Variants in COX5A observed in about 807,000 individuals in gnomAD.
COX5A encodes cytochrome c oxidase subunit 5A.
Under a neutral mutation model 16.1 loss-of-function variants are expected in COX5A, and 6 were observed. The ratio of observed to expected loss-of-function variants is 0.37; its 90% CI spans 0.20 to 0.73. The LOEUF (loss-of-function observed/expected upper bound fraction) is 0.73. COX5A is among the 30% of genes least tolerant of loss of function. The probability of loss-of-function intolerance (pLI) is 0.50; values close to 1 mark genes in which losing one functional copy is unlikely to be tolerated. For synonymous variants in COX5A, 73 were observed against 73.8 expected, an observed-to-expected ratio of 0.99 and a Z score of 0.06; for missense variants, 159 against 194.9, an observed-to-expected ratio of 0.82 and a Z score of 1.10.
chr15:74,930,416 CAAA>C (rs71140116), intron 1 of COX5A, among the ~76,000 whole-genome samples: 10 of 110,044 alleles, frequency 9.1e-5, no homozygotes, highest in Admixed American at 1.8e-4. Flanking sequence ...GACTCCGCCT[CAAA>C]AAAAAAAAAA....
intron 2 of COX5A, among the ~76,000 whole-genome samples, chr15:74,928,714 G>A (rs891384398): frequency 2.0e-5 from 3 of 152,266 alleles, no homozygotes; most frequent in African/African-American, 7.2e-5. Context: ...GTACAAAACT[G>A]TTACCTTTTG....
At position 74,919,791 on chromosome 15, in the gene COX5A, T is replaced by C. The variant is rs528159332; in HGVS notation, c.*661A>G. 2 of 152,416 alleles carry C rather than the reference T, an allele frequency of 1.3e-5. No individual in the cohort carries two copies. Among genetic ancestry groups the C allele is most frequent in the South Asian group, 4.1e-4 (2 of 4,840 alleles). 9.4% of individuals were successfully genotyped at this position (152,416 alleles called of 1,614,324 possible). On this transcript the variant is annotated 3_prime_UTR_variant, in exon 5 of 5. Transcript: ENST00000322347. ...TATGGCGCTTCTAAGACAAGCAGGA[T>C]TTGTTTTACTCAGCTGTTTAATCAG... is the stretch of plus-strand genomic sequence containing the variant.
In COX5A at chr15:74,920,053, C is replaced by T. The variant is rs1566976204; in HGVS notation, c.*399G>A. On this transcript the variant is annotated 3_prime_UTR_variant, in exon 5 of 5. Coordinates refer to ENST00000322347, the MANE Select transcript of COX5A (RefSeq NM_004255.4). ...CCCCACAGACAACCAGTCCCCTAAG[C>T]CTAGGGTGTCAACAAGAAAATTCTA... 1 of 330,674 alleles carries T rather than the reference C, an allele frequency of 3.0e-6. No individual in the cohort carries two copies. Among genetic ancestry groups the T allele is most frequent in the East Asian group, 7.6e-5 (1 of 13,226 alleles). The allele number at this position is 330,674 out of a possible 1,614,324, so 20.5% of individuals were successfully genotyped here.
intron 1 of COX5A, among the ~76,000 whole-genome samples, chr15:74,937,129 A>G (rs2065394529): frequency 6.6e-6 from 1 of 152,140 alleles, no homozygotes; most frequent in African/African-American, 2.4e-5. Context: ...AAAACCTCCC[A>G]GCACACATAT....
At chr15:74,928,519 T>G (rs967993155) in intron 2 of COX5A, among the ~76,000 whole-genome samples, 7 of 152,070 alleles carry the variant, frequency 4.6e-5, no homozygotes, top group South Asian at 2.1e-4. Flanking sequence ...CGAGTAGCTG[T>G]GACTACAGGC....
chr15:74,922,907 G>A (rs1013050695), intron 4 of COX5A, among the ~76,000 whole-genome samples: 13 of 151,478 alleles, frequency 8.6e-5, no homozygotes, highest in South Asian at 4.2e-4. Flanking sequence ...CACCCGCCTC[G>A]GCCTCCCAAA....
intron 1 of COX5A, among the ~76,000 whole-genome samples, chr15:74,932,780 T>A (rs552755751): frequency 1.3e-5 from 2 of 150,782 alleles, no homozygotes; most frequent in Non-Finnish European, 3.0e-5. Context: ...CACTGCAACC[T>A]CCACCTCCCG....
intron 1 of COX5A, among the ~76,000 whole-genome samples, chr15:74,931,953 G>A (rs1004192734): frequency 2.0e-5 from 3 of 152,148 alleles, no homozygotes; most frequent in Non-Finnish European, 4.4e-5. Flanking sequence ...ATAGGCGGAG[G>A]CAGAAAATTT....
In COX5A at chr15:74,920,410, T is replaced by C; in HGVS notation, c.*42A>G. 1 of 697,194 alleles carries C rather than the reference T, an allele frequency of 1.4e-6. No individual in the cohort carries two copies. Among genetic ancestry groups the C allele is most frequent in the South Asian group, 1.5e-5 (1 of 65,526 alleles). 43.2% of individuals were successfully genotyped at this position (697,194 alleles called of 1,614,324 possible). On this transcript the variant is annotated 3_prime_UTR_variant, in exon 5 of 5. Transcript: ENST00000322347. ...TTCCAGGTAACTGTTCACACTCAAG[T>C]AGCAATGTCAATAAATCCTTGGGGA... is the stretch of plus-strand genomic sequence containing the variant.
intron 1 of COX5A, among the ~76,000 whole-genome samples, chr15:74,936,566 C>T (rs986170754): frequency 5.3e-5 from 8 of 151,514 alleles, no homozygotes; most frequent in Non-Finnish European, 1.5e-5. Context: ...TACCCTCCAG[C>T]CTTATGGTTC....
chr15:74,928,644 T>C (rs528159409), intron 2 of COX5A, among the ~76,000 whole-genome samples: 111 of 152,230 alleles, frequency 7.3e-4, no homozygotes, highest in Admixed American at 3.3e-4. Context: ...CCTGGCCTCC[T>C]AAAGTGCTGG....
intron 1 of COX5A, 144 bp downstream of exon 1, chr15:74,937,771 G>C (rs1483349474): frequency 4.3e-6 from 2 of 465,124 alleles, no homozygotes; most frequent in African/African-American, 2.0e-5. Flanking sequence ...TCGAGGCGGC[G>C]GGCAGGGCGG....
intron 3 of COX5A, among the ~76,000 whole-genome samples, chr15:74,925,715 A>G (rs1362557553): frequency 6.6e-6 from 1 of 151,996 alleles, no homozygotes; most frequent in Non-Finnish European, 1.5e-5. Flanking sequence ...AGTCAAACAC[A>G]TTTCTACAGT....
chr15:74,925,260 G>A (rs906530026), intron 3 of COX5A, among the ~76,000 whole-genome samples: 3 of 152,034 alleles, frequency 2.0e-5, no homozygotes, highest in Admixed American at 6.6e-5. Flanking sequence ...CTGAGATCAC[G>A]CAATGATTGC....
chr15:74,927,618 C>T (rs922332742), intron 2 of COX5A, among the ~76,000 whole-genome samples: 2 of 151,816 alleles, frequency 1.3e-5, no homozygotes, highest in Non-Finnish European at 2.9e-5. Context: ...ATTAAAGATA[C>T]AAAATTGGCC....
chr15:74,922,493 T>C (rs2065325720), intron 4 of COX5A, among the ~76,000 whole-genome samples: 1 of 152,020 alleles, frequency 6.6e-6, no homozygotes, highest in African/African-American at 2.4e-5. Flanking sequence ...TCTGAATATT[T>C]TTCTTTCTAT....
At chr15:74,935,599 CAAAA>C (rs1301595215) in intron 1 of COX5A, among the ~76,000 whole-genome samples, 11 of 146,168 alleles carry the variant, frequency 7.5e-5, no homozygotes, top group Non-Finnish European at 8.9e-5. Flanking sequence ...AGACTATCAC[CAAAA>C]AAAAAAAATA....
At chr15:74,924,392 C>T (rs969246006) in intron 3 of COX5A, among the ~76,000 whole-genome samples, 1 of 151,974 alleles carries the variant, frequency 6.6e-6, no homozygotes, top group Non-Finnish European at 1.5e-5. Context: ...CAAAAATTTG[C>T]TGGGTGTGGT....
intron 1 of COX5A, among the ~76,000 whole-genome samples, chr15:74,930,283 T>C (rs2141273063): frequency 6.6e-6 from 1 of 151,734 alleles, no homozygotes; most frequent in African/African-American, 2.4e-5. Flanking sequence ...CTGGGTGTGG[T>C]GGCGCGTGCC....
Sources: allele counts gnomAD v4.1 joint callset (sites outside exome capture counted in the v4.1 genomes callset), GRCh38; gene constraint gnomAD v4.1.1; transcripts MANE v1.5; gene names NCBI Gene and HGNC (gene_info 2026-07-23, HGNC 2026-07-21).